The following ASB3 variants were observed in gnomAD, a reference collection of about 807,000 sequenced individuals.
ASB3 encodes the protein ankyrin repeat and SOCS box containing 3, also known as ankyrin repeat and SOCS box protein 3.
In ASB3, 41 loss-of-function variants were observed where a neutral mutation model predicts 54.5. The ratio of observed to expected loss-of-function variants is 0.75; its 90% CI spans 0.59 to 0.98. The LOEUF (loss-of-function observed/expected upper bound fraction) is 0.98, where lower values mean the gene tolerates loss of function less well. ASB3 is among the 50% of genes least tolerant of loss of function. The probability of loss-of-function intolerance (pLI) is 0.00; values close to 1 mark genes in which losing one functional copy is unlikely to be tolerated. For missense variants in ASB3, 733 were observed against 620.0 expected (o/e 1.18, Z -1.94); for synonymous variants, 266 against 221.2 (o/e 1.20, Z -1.80).
Position 53,670,499 on chromosome 2 carries a change from T to C in ASB3, c.*4A>G. On this transcript the variant is annotated 3_prime_UTR_variant, in exon 10 of 10. Transcript: ENST00000263634. The stretch of plus-strand genomic sequence containing the variant: ...AATTAGCTGTGTTAAGTAGTTTCAC[T>C]GATTTATCCATCTTGAATAGCTGCC... 5 of 1,611,570 alleles carry C rather than the reference T, an allele frequency of 3.1e-6. No individual in the cohort carries two copies. Among genetic ancestry groups the C allele is most frequent in the Non-Finnish European group, 4.2e-6 (5 of 1,179,478 alleles).
At chr2:53,681,994 C>A (rs775034924) in intron 9 of ASB3, among the ~76,000 whole-genome samples, 8 of 151,848 alleles carry the variant, frequency 5.3e-5, no homozygotes, top group Non-Finnish European at 1.2e-4. Flanking sequence ...CTCGTCTCTA[C>A]TAAAAGTACA....
At chr2:53,742,897 A>G (rs960589862) in intron 3 of ASB3, among the ~76,000 whole-genome samples, 2 of 152,210 alleles carry the variant, frequency 1.3e-5, no homozygotes, top group Non-Finnish European at 2.9e-5. Flanking sequence ...AATTCCAGAA[A>G]GATTAACTAA....
At chr2:53,741,537 C>T (rs1558552692) in intron 3 of ASB3, among the ~76,000 whole-genome samples, 1 of 152,134 alleles carries the variant, frequency 6.6e-6, no homozygotes. Context: ...TTATATAAAT[C>T]GACTGACATT....
intron 9 of ASB3, among the ~76,000 whole-genome samples, chr2:53,693,363 TC>T (rs1311034338): frequency 6.6e-6 from 1 of 152,176 alleles, no homozygotes; most frequent in African/African-American, 2.4e-5. Flanking sequence ...TTTTAAAATA[TC>T]AACCAGTTCA....
At chr2:53,737,350 T>G (rs1671696241) in intron 3 of ASB3, among the ~76,000 whole-genome samples, 1 of 152,148 alleles carries the variant, frequency 6.6e-6, no homozygotes, top group African/African-American at 2.4e-5. Flanking sequence ...TCAAGTGCAG[T>G]AGTAAACTGA....
chr2:53,773,764 G>C (rs920218957), intron 1 of ASB3, among the ~76,000 whole-genome samples: 3 of 151,762 alleles, frequency 2.0e-5, no homozygotes, highest in African/African-American at 7.2e-5. Flanking sequence ...GGCAGGCATG[G>C]TGGTTCACAC....
intron 3 of ASB3, among the ~76,000 whole-genome samples, chr2:53,734,495 T>C (rs1346756161): frequency 2.6e-5 from 4 of 152,198 alleles, no homozygotes; most frequent in Non-Finnish European, 4.4e-5. Context: ...TCAACAAATG[T>C]CTACTTAGTG....
intron 3 of ASB3, among the ~76,000 whole-genome samples, chr2:53,735,666 G>A (rs1181627187): frequency 6.6e-6 from 1 of 151,086 alleles, no homozygotes; most frequent in African/African-American, 2.4e-5. Flanking sequence ...GATTCATACA[G>A]ATGGGAATGT....
intron 9 of ASB3, among the ~76,000 whole-genome samples, chr2:53,679,130 C>T (rs922822017): frequency 1.3e-5 from 2 of 152,146 alleles, no homozygotes; most frequent in African/African-American, 4.8e-5. Context: ...TCCTCAGTTC[C>T]TTTATCCCTG....
chr2:53,745,741 T>C (rs1325296191), intron 3 of ASB3, among the ~76,000 whole-genome samples: 3 of 152,170 alleles, frequency 2.0e-5, no homozygotes, highest in African/African-American at 7.2e-5. Flanking sequence ...GAGTATAGCT[T>C]CCCTTGAGGG....
At chr2:53,771,372 G>A (rs531884326) in intron 1 of ASB3, among the ~76,000 whole-genome samples, 80 of 152,202 alleles carry the variant, frequency 5.3e-4, no homozygotes, top group Non-Finnish European at 1.0e-3. Context: ...AATTAGCTGG[G>A]TGTCTTGGCG....
chr2:53,739,902 G>A (rs926960540), intron 3 of ASB3, among the ~76,000 whole-genome samples: 1 of 152,040 alleles, frequency 6.6e-6, no homozygotes, highest in Non-Finnish European at 1.5e-5. Context: ...TTGAACTCAT[G>A]GGCTCAAGTG....
chr2:53,733,143 G>A (rs992616679), intron 3 of ASB3, among the ~76,000 whole-genome samples: 12 of 152,148 alleles, frequency 7.9e-5, no homozygotes, highest in Non-Finnish European at 2.9e-5. Context: ...TGGAGATAGT[G>A]GGAATACAGA....
rs1572975919 is a variant in ASB3 at position 53,756,105 on chromosome 2, G to A, written c.197-5164C>T. ...CACTTGAGCCCAAGAGTTGGAGGCT[G>A]CAATGAGCCATGATCACACCACTGT... On this transcript the variant is annotated intron_variant, in intron 2 of 9. Coordinates refer to ENST00000263634, the MANE Select transcript of ASB3 (RefSeq NM_016115.5). Among the ~76,000 whole-genome samples the A allele has an allele frequency of 2.1e-5, 3 of 144,678 alleles. No individual in the cohort carries two copies. The South Asian group carries it at 6.3e-4, about 30-fold the overall frequency. The allele number at this position is 144,678 out of a possible 152,430, so 94.9% of individuals were successfully genotyped here.
At chr2:53,676,001 G>GC (rs1161829596) in intron 9 of ASB3, among the ~76,000 whole-genome samples, 6 of 152,026 alleles carry the variant, frequency 3.9e-5, no homozygotes, top group Non-Finnish European at 8.8e-5. Context: ...CAAAATACAT[G>GC]GTAGGTTGCA....
intron 9 of ASB3, among the ~76,000 whole-genome samples, chr2:53,693,163 T>C (rs549882619): frequency 2.0e-5 from 3 of 152,152 alleles, no homozygotes; most frequent in Non-Finnish European, 4.4e-5. Context: ...AGACATATAA[T>C]ATGGTTAACA....
chr2:53,768,577 G>T (rs537667925), intron 1 of ASB3, among the ~76,000 whole-genome samples: 2 of 152,278 alleles, frequency 1.3e-5, no homozygotes, highest in African/African-American at 2.4e-5. Flanking sequence ...AATTTTCGCT[G>T]GTTATTAAGG....
At chr2:53,712,621 G>A (rs1458216233) in intron 7 of ASB3, among the ~76,000 whole-genome samples, 2 of 152,092 alleles carry the variant, frequency 1.3e-5, no homozygotes, top group African/African-American at 4.8e-5. Flanking sequence ...TACATTATAT[G>A]GCTTAATTCA....
chr2:53,745,600 G>C (rs762747977), intron 3 of ASB3, among the ~76,000 whole-genome samples: 1 of 152,052 alleles, frequency 6.6e-6, no homozygotes. Context: ...CAACTTTTCC[G>C]GTCACCTGGG....
Sources: gnomAD v4.1 joint callset for allele counts (sites outside exome capture counted in the v4.1 genomes callset) on GRCh38, gnomAD v4.1.1 for gene constraint, MANE v1.5 for transcripts, NCBI Gene and HGNC (gene_info 2026-07-23, HGNC 2026-07-21) for gene names.